Variants in PIAS4 observed in about 807,000 individuals in gnomAD.
The protein encoded by PIAS4 is protein inhibitor of activated STAT 4.
A neutral mutation model predicts 58.0 loss-of-function variants in PIAS4; 7 were observed. That is an observed-to-expected ratio of 0.12 (90% CI 0.07 to 0.23). PIAS4 has a LOEUF of 0.23. Ranked by LOEUF, PIAS4 falls within the 10% of genes least tolerant of loss-of-function variation. The pLI is 1.00. For synonymous variants in PIAS4, 364 were observed against 312.4 expected, an observed-to-expected ratio of 1.17 and a Z score of -1.74; for missense variants, 550 against 709.5, an observed-to-expected ratio of 0.78 and a Z score of 2.55.
intron 8 of PIAS4, 101 bp downstream of exon 8, chr19:4,033,274 C>G (rs373320190): frequency 3.6e-5 from 49 of 1,369,594 alleles, no homozygotes; most frequent in Admixed American, 2.8e-4. Context: ...CGTGAGCCTG[C>G]GGGGGCGAGG....
rs571320479 is a variant in PIAS4, at chr19:4,037,241, G to A, written c.1143-133G>A. The A allele has an allele frequency of 1.5e-4, 171 of 1,154,862 alleles. 1 individual carries two copies. In the African/African-American group the frequency reaches 1.6e-3, roughly 11 times the overall value. The allele number at this position is 1,154,862 out of a possible 1,614,324, so 71.5% of individuals were successfully genotyped here. ...GAATGCGGGGTCCCTGGACCCCTGCGGTCGGGGTGGTGAGGCTGCTCTTGC... is the reference window on the plus strand; with the variant it reads ...GAATGCGGGGTCCCTGGACCCCTGCAGTCGGGGTGGTGAGGCTGCTCTTGC... On this transcript the variant is annotated intron_variant, in intron 9 of 10. Transcript: ENST00000262971. The surrounding 1 kb of genome is among the most constrained non-coding windows in gnomAD (Gnocchi z 5.8).
chr19:4,009,914 C>T (rs1410308387), intron 1 of PIAS4, among the ~76,000 whole-genome samples: 1 of 152,160 alleles, frequency 6.6e-6, no homozygotes, highest in Non-Finnish European at 1.5e-5. Flanking sequence ...TAGTCCACAG[C>T]GTTTCGCACA....
chr19:4,020,964 G>C (rs960926760), intron 2 of PIAS4, among the ~76,000 whole-genome samples: 1 of 152,176 alleles, frequency 6.6e-6, no homozygotes, highest in Non-Finnish European at 1.5e-5. Flanking sequence ...TGGGATTCCT[G>C]ATTCCTGGGT....
At position 4,028,967 on chromosome 19, in the gene PIAS4, A is replaced by T. The variant is rs1336786207; in HGVS notation, c.838A>T (p.Thr280Ser). 6.2e-7 allele frequency: 1 copy of T among 1,610,866 alleles called. No individual in the cohort carries two copies. Among genetic ancestry groups the T allele is most frequent in the East Asian group, 2.2e-5 (1 of 44,778 alleles). Reference sequence around the variant, plus strand: ...GGCCCTGTACCTGGTGCGGCAGCTGACCTCATCGGAGCTGCTGCAGAGGCT... The same window carrying T: ...GGCCCTGTACCTGGTGCGGCAGCTGTCCTCATCGGAGCTGCTGCAGAGGCT... The part of the protein sequence containing the change: ...SVALYLVRQL[T>S]SSELLQRLKT... The change falls in exon 7 of 11, where the codon ACC (threonine) becomes TCC (serine). Residue 280 changes from threonine to serine, a missense_variant. By Grantham distance (58) the Thr-to-Ser change is moderately conservative. Transcript: ENST00000262971.
Position 4,037,279 on chromosome 19 carries a change from G to T in PIAS4, c.1143-95G>T. Reference sequence around the variant, plus strand: ...AGGCTGCTCTTGCAGAGAGAAGTGGGGAGTGCCTGGCTGCATCCGGGAGGG... The same window carrying T: ...AGGCTGCTCTTGCAGAGAGAAGTGGTGAGTGCCTGGCTGCATCCGGGAGGG... On this transcript the variant is annotated intron_variant, in intron 9 of 10. Coordinates refer to ENST00000262971, the MANE Select transcript of PIAS4 (RefSeq NM_015897.4). This position sits in a 1 kb window ranked among gnomAD's most constrained non-coding sequence, Gnocchi z 5.8. 1 of 1,454,750 alleles carries T rather than the reference G, an allele frequency of 6.9e-7. No individual in the cohort carries two copies. The allele number at this position is 1,454,750 out of a possible 1,614,324, so 90.1% of individuals were successfully genotyped here. A position where few individuals can be genotyped will look rare whatever the true frequency, so the allele number is the denominator to read the frequency against.
chr19:4,024,738 G>A (rs2040145142), intron 3 of PIAS4, among the ~76,000 whole-genome samples: 2 of 148,586 alleles, frequency 1.3e-5, no homozygotes. Flanking sequence ...AGCATGAGCA[G>A]GAAGTTAAGT....
intron 1 of PIAS4, among the ~76,000 whole-genome samples, chr19:4,010,649 AGGCCGAGG>A (rs2039983895): frequency 6.6e-6 from 1 of 152,224 alleles, no homozygotes; most frequent in African/African-American, 2.4e-5. Flanking sequence ...GGGAGGCCAG[AGGCCGAGG>A]GGCCGATGCC....
intron 9 of PIAS4, among the ~76,000 whole-genome samples, chr19:4,036,040 A>G (rs1287738827): frequency 1.5e-3 from 18 of 11,776 alleles, no homozygotes; most frequent in African/African-American, 4.1e-3. Flanking sequence ...CCACACCGTC[A>G]TACACACACA....
intron 2 of PIAS4, among the ~76,000 whole-genome samples, chr19:4,014,504 C>CA (rs1267648236): frequency 7.2e-5 from 11 of 152,242 alleles, no homozygotes; most frequent in African/African-American, 2.7e-4. Flanking sequence ...CAGATTTCAC[C>CA]AAGTCCTCTG....
Position 4,037,347 on chromosome 19 carries a change from C to T in PIAS4, c.1143-27C>T, listed in dbSNP as rs543416013. On this transcript the variant is annotated intron_variant, in intron 9 of 10. Transcript: ENST00000262971. The surrounding 1 kb of genome is among the most constrained non-coding windows in gnomAD (Gnocchi z 5.8). Reference sequence around the variant, plus strand: ...TGGGGGGGTGGGGCACCTCCAGCCCCGGCGTCAGCTGTCCGCCTCGCCCCA... The same window carrying T: ...TGGGGGGGTGGGGCACCTCCAGCCCTGGCGTCAGCTGTCCGCCTCGCCCCA... 21 of 1,584,264 alleles carry T rather than the reference C, an allele frequency of 1.3e-5. 1 individual carries two copies. The highest frequency in any genetic ancestry group is 2.2e-4 in the Middle Eastern group (1 of 4,592).
chr19:4,026,256 C>T (rs2040163565), intron 3 of PIAS4, among the ~76,000 whole-genome samples: 1 of 146,798 alleles, frequency 6.8e-6, no homozygotes. Flanking sequence ...ACTCAGCCTC[C>T]CGAGTAGCTG....
intron 1 of PIAS4, among the ~76,000 whole-genome samples, chr19:4,009,805 C>T (rs1040227425): frequency 1.3e-5 from 2 of 152,062 alleles, no homozygotes; most frequent in African/African-American, 4.8e-5. Flanking sequence ...CTCGGAGGGG[C>T]GAATGTTGGG....
intron 3 of PIAS4, 100 bp from the exon 4 acceptor site, chr19:4,028,046 C>A: frequency 9.0e-7 from 1 of 1,110,432 alleles, no homozygotes; most frequent in East Asian, 2.4e-5. Flanking sequence ...GGGGAGGGAG[C>A]CTTGTGGTGT....
Position 4,011,789 on chromosome 19 carries a change from G to C in PIAS4, c.28-1134G>C, listed in dbSNP as rs1485415172. On this transcript the variant is annotated intron_variant, in intron 1 of 10. Coordinates refer to ENST00000262971, the MANE Select transcript of PIAS4 (RefSeq NM_015897.4). ...GTGGAGGTGTGTGGGGTGTGGAGGT[G>C]TGTGGGGTGTGGAGGTGTGTGGGGT... Among the ~76,000 whole-genome samples the C allele has an allele frequency of 3.6e-3, 97 of 26,972 alleles. 15 individuals are homozygous for C. The highest frequency in any genetic ancestry group is 0.017 in the African/African-American group (76 of 4,466). 17.7% of individuals were successfully genotyped at this position (26,972 alleles called of 152,430 possible).
chr19:4,008,470 G>C (rs970172131), intron 1 of PIAS4, among the ~76,000 whole-genome samples: 46 of 152,096 alleles, frequency 3.0e-4, no homozygotes, highest in African/African-American at 1.0e-3. Context: ...CCCCCTTCCC[G>C]ACACCGTCTC....
chr19:4,036,556 TCCA>T lies in PIAS4; in HGVS notation c.1143-816_1143-814del, dbSNP rs751539034. ...CTGTTACATGCACACATCTATACAG[TCCA>T]CACCGTCACACATCCATACAGTCCA... On this transcript the variant is annotated intron_variant, in intron 9 of 10. Coordinates refer to ENST00000262971, the MANE Select transcript of PIAS4 (RefSeq NM_015897.4). Among the ~76,000 whole-genome samples, 14 of 133,636 alleles carry T rather than the reference TCCA, an allele frequency of 1.0e-4. 2 individuals carry two copies. The highest frequency in any genetic ancestry group is 1.5e-4 in the Non-Finnish European group (10 of 64,632). The allele number at this position is 133,636 out of a possible 152,430, so 87.7% of individuals were successfully genotyped here. A position where few individuals can be genotyped will look rare whatever the true frequency, so the allele number is the denominator to read the frequency against.
At chr19:4,012,848 C>G in intron 1 of PIAS4, 75 bp from the exon 2 acceptor site, 5 of 1,459,708 alleles carry the variant, frequency 3.4e-6, no homozygotes, top group Non-Finnish European at 4.6e-6. Flanking sequence ...GCCCCCACAT[C>G]GGGGCCTGGC....
intron 1 of PIAS4, among the ~76,000 whole-genome samples, 155 bp from the exon 2 acceptor site, chr19:4,012,768 C>T (rs2040008724): frequency 1.3e-5 from 2 of 151,962 alleles, no homozygotes; most frequent in African/African-American, 4.8e-5. Flanking sequence ...GGAGGGGGCA[C>T]CGTAGGGGCA....
intron 8 of PIAS4, 88 bp downstream of exon 8, chr19:4,033,261 G>A: frequency 7.0e-7 from 1 of 1,433,508 alleles, no homozygotes; most frequent in East Asian, 2.3e-5. Flanking sequence ...GGCTTGGCTG[G>A]GCCGTGAGCC....
Sources: gnomAD v4.1 joint callset for allele counts (sites outside exome capture counted in the v4.1 genomes callset) on GRCh38, gnomAD v4.1.1 for gene constraint, Gnocchi (gnomAD v3.1) non-coding constraint, MANE v1.5 for transcripts, NCBI Gene and HGNC (gene_info 2026-07-23, HGNC 2026-07-21) for gene names.